Variants in PASD1 observed in about 807,000 individuals in gnomAD.
The protein encoded by PASD1 is PAS domain containing repressor 1.
In PASD1, 13 loss-of-function variants were observed where a neutral mutation model predicts 58.8. That is an observed-to-expected ratio of 0.22 (90% CI 0.14 to 0.35). The LOEUF is 0.35. Among genes scored for constraint, PASD1 ranks in the 10% least tolerant of loss-of-function variants. The pLI, the probability that PASD1 is intolerant of heterozygous loss-of-function variation, is 1.00. For synonymous variants in PASD1, 236 were observed against 216.7 expected (o/e 1.09, Z -0.78); for missense variants, 734 against 568.3 (o/e 1.29, Z -2.96).
intron 1 of PASD1, among the ~76,000 whole-genome samples, chrX:151,581,444 G>A (rs1304936536): frequency 9.2e-6 from 1 of 108,619 alleles, no homozygotes; most frequent in African/African-American, 3.3e-5. Context: ...ATAAAAATTA[G>A]CTAGGCATGG....
chrX:151,654,879 G>A (rs755255210), intron 9 of PASD1, among the ~76,000 whole-genome samples: 31 of 110,202 alleles, frequency 2.8e-4, no homozygotes, highest in South Asian at 8.1e-4. Flanking sequence ...TATACTTTAC[G>A]TTCTAGGGTA....
chrX:151,666,534 C>T (rs957087294), intron 11 of PASD1, among the ~76,000 whole-genome samples: 3 of 106,371 alleles, frequency 2.8e-5, no homozygotes, highest in Non-Finnish European at 5.8e-5. Flanking sequence ...TCCCTCCCCA[C>T]TCCCCCCACC....
At chrX:151,570,261 G>T (rs1273198168) in intron 1 of PASD1, among the ~76,000 whole-genome samples, 2 of 111,543 alleles carry the variant, frequency 1.8e-5, no homozygotes, top group Non-Finnish European at 3.8e-5. Flanking sequence ...TTGCTAAAGG[G>T]TTTGTTTCCC....
chrX:151,643,812 G>C (rs1429658594), intron 8 of PASD1, among the ~76,000 whole-genome samples: 1 of 111,479 alleles, frequency 9.0e-6, no homozygotes, highest in African/African-American at 3.3e-5. Context: ...ATGTTATAAA[G>C]CTTTATTTTC....
chrX:151,646,076 C>T (rs1316958867), intron 8 of PASD1, among the ~76,000 whole-genome samples: 1 of 110,376 alleles, frequency 9.1e-6, no homozygotes, highest in African/African-American at 3.3e-5. Flanking sequence ...ACATCTGACT[C>T]ATTTTTTATT....
At chrX:151,637,430 G>A (rs183882398) in intron 8 of PASD1, among the ~76,000 whole-genome samples, 2 of 111,687 alleles carry the variant, frequency 1.8e-5, no homozygotes, top group East Asian at 5.7e-4. Flanking sequence ...AGGCTGGAAT[G>A]CAATGGCCTG....
chrX:151,630,766 A>C (rs1174374084), intron 8 of PASD1, among the ~76,000 whole-genome samples: 3 of 112,880 alleles, frequency 2.7e-5, no homozygotes, highest in Non-Finnish European at 5.6e-5. Context: ...TGAAGGAAAC[A>C]CAAAGGTGGG....
intron 1 of PASD1, among the ~76,000 whole-genome samples, chrX:151,567,212 G>T (rs1259556358): frequency 9.0e-6 from 1 of 111,385 alleles, no homozygotes; most frequent in Non-Finnish European, 1.9e-5. Flanking sequence ...ATCAGGATTT[G>T]CTGGACTGGA....
At chrX:151,569,995 T>C (rs936374114) in intron 1 of PASD1, among the ~76,000 whole-genome samples, 2 of 111,765 alleles carry the variant, frequency 1.8e-5, no homozygotes, top group Non-Finnish European at 3.8e-5. Flanking sequence ...ATTAATTTTG[T>C]TGCATATAGA....
chrX:151,666,092 ATTACT>A (rs1040048909), intron 11 of PASD1, among the ~76,000 whole-genome samples: 1 of 109,923 alleles, frequency 9.1e-6, no homozygotes, highest in Non-Finnish European at 1.9e-5. Context: ...ATGTACTTAC[ATTACT>A]CATAAAGGGT....
At chrX:151,630,474 G>A (rs1361871141) in intron 8 of PASD1, among the ~76,000 whole-genome samples, 1 of 112,455 alleles carries the variant, frequency 8.9e-6, no homozygotes, top group East Asian at 2.8e-4. Flanking sequence ...AGTATTGTTA[G>A]AAAAAAAGTG....
intron 1 of PASD1, among the ~76,000 whole-genome samples, chrX:151,596,893 T>C (rs187383834): frequency 2.0e-4 from 23 of 112,426 alleles, no homozygotes; most frequent in African/African-American, 6.8e-4. Context: ...AAAAATCATA[T>C]GTGTGTATTA....
intron 4 of PASD1, among the ~76,000 whole-genome samples, chrX:151,620,283 A>C (rs903181385): frequency 9.0e-6 from 1 of 111,454 alleles, no homozygotes; most frequent in African/African-American, 3.3e-5. Context: ...TTTCTAGAAC[A>C]ATGTCTTTTC....
intron 11 of PASD1, among the ~76,000 whole-genome samples, chrX:151,664,597 A>G (rs5969813): frequency 0.21 from 23,284 of 111,370 alleles, 1,979 homozygotes; most frequent in Middle Eastern, 0.4. Flanking sequence ...TTAATATGAA[A>G]TCCCATGGAC....
intron 14 of PASD1, chrX:151,673,044 T>G: frequency 6.8e-6 from 1 of 146,935 alleles, no homozygotes; most frequent in Non-Finnish European, 1.3e-5. Context: ...TCCAGTTTCA[T>G]TCCCCAACTT....
chrX:151,676,267 T>G lies in PASD1; in HGVS notation c.*124T>G. The stretch of plus-strand genomic sequence containing the variant: ...GGGGTAGGGTTTAGTGGGTAGAGAC[T>G]TATTTGTTTCCTGATAGGTTATGTT... On this transcript the variant is annotated 3_prime_UTR_variant, in exon 16 of 16. Transcript: ENST00000370357. The G allele has an allele frequency of 2.2e-6, 1 of 445,515 alleles. No homozygotes were observed. The highest frequency in any genetic ancestry group is 3.1e-6 in the Non-Finnish European group (1 of 324,946). 36.7% of individuals were successfully genotyped at this position (445,515 alleles called of 1,213,427 possible).
chrX:151,616,003 T>C (rs2013632411), intron 4 of PASD1, among the ~76,000 whole-genome samples: 1 of 111,792 alleles, frequency 8.9e-6, no homozygotes, highest in South Asian at 3.8e-4. Context: ...AGGAAGCTTA[T>C]GTAAGAGCCT....
intron 4 of PASD1, among the ~76,000 whole-genome samples, chrX:151,615,793 T>G (rs2013630216): frequency 8.9e-6 from 1 of 112,355 alleles, no homozygotes; most frequent in South Asian, 3.7e-4. Context: ...AAAATTTAGC[T>G]TTGTTTCTCT....
rs1355516191 is a variant in PASD1, at chrX:151,565,724, A to AT, written c.-28+1892dup. 4.6e-5 allele frequency among the ~76,000 whole-genome samples: 5 copies of AT among 109,311 alleles called. No individual in the cohort carries two copies. In the Admixed American group the frequency reaches 4.9e-4, roughly 11 times the overall value. 94.9% of individuals were successfully genotyped at this position (109,311 alleles called of 115,157 possible). On this transcript the variant is annotated intron_variant, in intron 1 of 15. Coordinates refer to ENST00000370357, the MANE Select transcript of PASD1 (RefSeq NM_173493.3). ...AGGCGCCCGCTACCATGCCCGGCTA[A>AT]TTTTTTTGTATTTTTAGTAGAGACG...
Sources: gnomAD v4.1 joint callset for allele counts (sites outside exome capture counted in the v4.1 genomes callset) on GRCh38, gnomAD v4.1.1 for gene constraint, MANE v1.5 for transcripts, NCBI Gene and HGNC (gene_info 2026-07-23, HGNC 2026-07-21) for gene names.